Variants in PACS2 observed in about 807,000 individuals in gnomAD.
The protein encoded by PACS2 is PACS1-like protein.
A neutral mutation model predicts 113.0 loss-of-function variants in PACS2; 36 were observed. The observed-to-expected ratio is 0.32, with a 90% CI of 0.24 to 0.42. PACS2 has a LOEUF of 0.42. Among genes scored for constraint, PACS2 ranks in the 10% least tolerant of loss-of-function variants. PACS2 has a pLI of 1.00. For missense variants in PACS2, 1,015 were observed against 1,239.5 expected (o/e 0.82, Z 2.72); for synonymous variants, 589 against 536.1 (o/e 1.10, Z -1.36).
chr14:105,361,638 AAAAC>A lies in PACS2; in HGVS notation c.424-5559_424-5556del, dbSNP rs781967804. On this transcript the variant is annotated intron_variant, in intron 4 of 24. Transcript: ENST00000447393. ...GGTGACAAGAGTGAGACTCCGTCTC[AAAAC>A]AAACAAACAAACAAAAAAATTAGTG... 2.0e-3 allele frequency among the ~76,000 whole-genome samples: 300 copies of A among 151,242 alleles called. 3 individuals carry two copies. The highest frequency in any genetic ancestry group is 6.3e-3 in the African/African-American group (258 of 41,128).
rs1019822308 is a variant in PACS2 at position 105,329,988 on chromosome 14, G to C, written c.119+14951G>C. On this transcript the variant is annotated intron_variant, in intron 1 of 24. Coordinates refer to ENST00000447393, the MANE Select transcript of PACS2 (RefSeq NM_001100913.3). The surrounding 1 kb of genome is among the most constrained non-coding windows in gnomAD (Gnocchi z 6.4). Reference sequence around the variant, plus strand: ...GCTGGGATGCCCTGGGAGGGTGCAGGGTGGGCTCTGGATGCCTGCTGGGGG... The same window carrying C: ...GCTGGGATGCCCTGGGAGGGTGCAGCGTGGGCTCTGGATGCCTGCTGGGGG... Among the ~76,000 whole-genome samples the C allele has an allele frequency of 1.3e-5, 2 of 152,218 alleles. No individual in the cohort carries two copies. Among genetic ancestry groups the C allele is most frequent in the Non-Finnish European group, 2.9e-5 (2 of 68,044 alleles).
intron 2 of PACS2, among the ~76,000 whole-genome samples, chr14:105,350,008 C>G (rs587754829): frequency 0.012 from 1,760 of 149,366 alleles, 32 homozygotes; most frequent in African/African-American, 0.041. Flanking sequence ...ATAGCAGGAC[C>G]CCGAGAACTT....
chr14:105,362,364 C>T (rs1218490290), intron 4 of PACS2, among the ~76,000 whole-genome samples: 1 of 147,980 alleles, frequency 6.8e-6, no homozygotes, highest in Non-Finnish European at 1.5e-5. Flanking sequence ...TTGCAGTGAG[C>T]CGAGATCGCG....
Position 105,348,431 on chromosome 14 carries a change from C to T in PACS2, c.120-62C>T. On this transcript the variant is annotated intron_variant, in intron 1 of 24. Transcript: ENST00000447393. This position sits in a 1 kb window ranked among gnomAD's most constrained non-coding sequence, Gnocchi z 6.4. ...CCGGGGTGACACAGTGCTGGGACGG[C>T]ACAGGGCCGCGTCCTGAGGAGAGGG... is the stretch of plus-strand genomic sequence containing the variant. 2 of 1,321,468 alleles carry T rather than the reference C, an allele frequency of 1.5e-6. No individual in the cohort carries two copies. Among genetic ancestry groups the T allele is most frequent in the Non-Finnish European group, 2.2e-6 (2 of 924,618 alleles). 81.9% of individuals were successfully genotyped at this position (1,321,468 alleles called of 1,614,324 possible).
At chr14:105,394,248 G>C in intron 24 of PACS2, 1 of 985,350 alleles carries the variant, frequency 1.0e-6, no homozygotes, top group Non-Finnish European at 1.2e-6. Context: ...ATGTGGACGA[G>C]CAGCGCCTGG....
intron 4 of PACS2, among the ~76,000 whole-genome samples, chr14:105,363,057 A>G (rs1555407021): frequency 2.0e-5 from 3 of 152,194 alleles, no homozygotes; most frequent in Non-Finnish European, 4.4e-5. Flanking sequence ...GGCTTAAAAC[A>G]TTCAGCCAAT....
chr14:105,344,265 TG>T (rs1188325044), intron 1 of PACS2, among the ~76,000 whole-genome samples: 94 of 151,194 alleles, frequency 6.2e-4, no homozygotes, highest in African/African-American at 2.2e-3. Flanking sequence ...TTTTTTGTTT[TG>T]TTTTGTTTTT....
intron 4 of PACS2, among the ~76,000 whole-genome samples, chr14:105,359,127 T>A (rs1229037178): frequency 6.6e-6 from 1 of 151,898 alleles, no homozygotes; most frequent in Non-Finnish European, 1.5e-5. Flanking sequence ...GGCCTTCGCA[T>A]CCACACACAC....
intron 4 of PACS2, among the ~76,000 whole-genome samples, chr14:105,360,636 G>C (rs1051584973): frequency 6.6e-6 from 1 of 151,886 alleles, no homozygotes; most frequent in East Asian, 1.9e-4. Context: ...TAGTGTGGGT[G>C]GGTGCTGACC....
intron 9 of PACS2, among the ~76,000 whole-genome samples, 185 bp downstream of exon 9, chr14:105,377,110 C>A (rs985999476): frequency 2.0e-5 from 3 of 152,128 alleles, no homozygotes; most frequent in Admixed American, 6.5e-5. Context: ...GCCCAGGCTA[C>A]GGCTGCACTG....
Position 105,383,379 on chromosome 14 carries a change from C to T in PACS2, c.1646C>T (p.Pro549Leu). 6.2e-7 allele frequency: 1 copy of T among 1,608,304 alleles called. No individual in the cohort carries two copies. Among genetic ancestry groups the T allele is most frequent in the Non-Finnish European group, 8.5e-7 (1 of 1,179,948 alleles). ...IQRYCNCNSQPPTPVKIAVAG... is the reference protein window; with the variant it reads ...IQRYCNCNSQLPTPVKIAVAG... ...TGCAGCTGCAACTGCAATTCCCAGC[C>T]CCCGACCCCCGTGAAGATCGCCGTG... The change falls in exon 16 of 25, where the codon CCC becomes CTC. Residue 549 changes from proline (P) to leucine (L), a missense_variant. Physicochemically the swap from Pro to Leu is moderately conservative, Grantham distance 98. This residue lies in a region of PACS2 where 859 missense variants were observed against 1,056.8 expected (regional missense o/e 0.81). Coordinates refer to ENST00000447393, the MANE Select transcript of PACS2 (RefSeq NM_001100913.3).
chr14:105,392,069 G>C (rs2081377908), intron 22 of PACS2: 4 of 445,296 alleles, frequency 9.0e-6, no homozygotes, highest in Admixed American at 8.3e-5. Flanking sequence ...GCTGAGGGCA[G>C]AAGGTGCAAG....
chr14:105,374,791 C>G (rs1477977587), intron 8 of PACS2: 1 of 152,250 alleles, frequency 6.6e-6, no homozygotes, highest in Non-Finnish European at 1.5e-5. Context: ...CCTGCCAAGT[C>G]TTTGAGAATC....
chr14:105,383,563 TGTGGCGTGGCATGGAGTGGTGTGGC>T, intron 16 of PACS2, 50 bp downstream of exon 16: 1 of 1,522,272 alleles, frequency 6.6e-7, no homozygotes, highest in South Asian at 1.2e-5. Flanking sequence ...CCACGGGCAG[TGTGGCGTGGCATGGAGTGGTGTGGC>T]GTGGCGTGGC....
At chr14:105,389,447 A>G (rs2081283840) in intron 19 of PACS2, 1 of 172,350 alleles carries the variant, frequency 5.8e-6, no homozygotes, top group South Asian at 1.5e-4. Context: ...GACGTTACCC[A>G]GATAGTCTGG....
intron 4 of PACS2, among the ~76,000 whole-genome samples, chr14:105,363,631 T>A (rs1190419346): frequency 6.6e-6 from 1 of 152,130 alleles, no homozygotes; most frequent in Admixed American, 6.6e-5. Flanking sequence ...CCACTCACTC[T>A]CTCCACACCG....
intron 7 of PACS2, 26 bp from the exon 8 acceptor site, chr14:105,369,815 C>T (rs1555408899): frequency 6.4e-7 from 1 of 1,552,558 alleles, no homozygotes. Context: ...GGCGGCGGCT[C>T]TGACTCTGCA....
Position 105,323,803 on chromosome 14 carries a change from G to T in PACS2, c.119+8766G>T, listed in dbSNP as rs113346298. On this transcript the variant is annotated intron_variant, in intron 1 of 24. Coordinates refer to ENST00000447393, the MANE Select transcript of PACS2 (RefSeq NM_001100913.3). This position sits in a 1 kb window ranked among gnomAD's most constrained non-coding sequence, Gnocchi z 4.1. ...CTGAGGAAGCTGACCTGGGCAGCCA[G>T]TGGCCTGTAGGCTGGGCAGCACTCG... Among the ~76,000 whole-genome samples, 4 of 152,222 alleles carry T rather than the reference G, an allele frequency of 2.6e-5. No homozygotes were observed. The highest frequency in any genetic ancestry group is 5.9e-5 in the Non-Finnish European group (4 of 68,036).
At chr14:105,327,911 A>G (rs1275694568) in intron 1 of PACS2, among the ~76,000 whole-genome samples, 1 of 151,450 alleles carries the variant, frequency 6.6e-6, no homozygotes, top group Non-Finnish European at 1.5e-5. Flanking sequence ...AGGCCACCCG[A>G]GGGGCCATTG....
Sources: allele counts gnomAD v4.1 joint callset (sites outside exome capture counted in the v4.1 genomes callset), GRCh38; gene constraint gnomAD v4.1.1; regional missense constraint gnomAD v4.1.1; non-coding constraint Gnocchi (gnomAD v3.1); transcripts MANE v1.5; gene names NCBI Gene and HGNC (gene_info 2026-07-23, HGNC 2026-07-21).